Variants in PCDH15 observed in about 807,000 individuals in gnomAD.
PCDH15 encodes protocadherin-15.
In PCDH15, 129 loss-of-function variants were observed where a neutral mutation model predicts 178.5. That is an observed-to-expected ratio of 0.72 (90% confidence interval 0.63 to 0.84). The LOEUF (loss-of-function observed/expected upper bound fraction) is 0.84. Among genes scored for constraint, PCDH15 ranks in the 40% least tolerant of loss-of-function variants. The pLI is 0.00. For missense variants in PCDH15, 2,230 were observed against 2,099.9 expected (o/e 1.06, Z -1.21); for synonymous variants, 800 against 732.0 (o/e 1.09, Z -1.50).
intron 21 of PCDH15, among the ~76,000 whole-genome samples, chr10:53,977,670 T>G (rs1176071346): frequency 1.3e-5 from 2 of 152,162 alleles, no homozygotes; most frequent in East Asian, 3.9e-4. Context: ...CTTAACTCAT[T>G]TCAGCATTAA....
intron 3 of PCDH15, among the ~76,000 whole-genome samples, chr10:54,447,226 TTG>T (rs1389131201): frequency 2.6e-5 from 4 of 151,502 alleles, no homozygotes; most frequent in Admixed American, 1.3e-4. Flanking sequence ...GTTACTATTT[TTG>T]TGTGTGTGTG....
At position 54,988,289 on chromosome 10, in the gene PCDH15, T is replaced by A. The variant is rs181777868; in HGVS notation, c.-79-90789A>T. 1.9e-3 allele frequency among the ~76,000 whole-genome samples: 283 copies of A among 152,240 alleles called. 1 individual carries two copies. Among genetic ancestry groups the A allele is most frequent in the Non-Finnish European group, 1.5e-3 (104 of 68,020 alleles). ...TGGTTATTATAGCCTTGTAGTATAGTTTGAAGTCAGGTAGCATGATGCCTC... is the reference window on the plus strand; with the variant it reads ...TGGTTATTATAGCCTTGTAGTATAGATTGAAGTCAGGTAGCATGATGCCTC... On this transcript the variant is annotated intron_variant, in intron 2 of 5. Coordinates refer to the PCDH15 transcript ENST00000458638.
chr10:55,509,954 T>C (rs1840843198), intron 2 of PCDH15, among the ~76,000 whole-genome samples: 1 of 151,942 alleles, frequency 6.6e-6, no homozygotes, highest in African/African-American at 2.4e-5. Context: ...AATTGACAAA[T>C]GGCTTTGCAG....
At chr10:53,853,636 T>C (rs2078539035) in intron 28 of PCDH15, among the ~76,000 whole-genome samples, 2 of 152,026 alleles carry the variant, frequency 1.3e-5, no homozygotes, top group African/African-American at 4.8e-5. Flanking sequence ...TTTTAAAAGA[T>C]GATATACAAT....
chr10:53,920,875 T>C (rs1486003473), intron 25 of PCDH15, among the ~76,000 whole-genome samples: 1 of 151,842 alleles, frequency 6.6e-6, no homozygotes, highest in Non-Finnish European at 1.5e-5. Flanking sequence ...CAAGAAGCAA[T>C]GAATAAAGAG....
intron 2 of PCDH15, among the ~76,000 whole-genome samples, chr10:55,341,784 TATATATATATATATATATA>T (rs1565031879): frequency 1.1e-3 from 13 of 12,120 alleles, no homozygotes; most frequent in African/African-American, 4.8e-3. Context: ...TATATATATA[TATATATATATATATATATA>T]TATTTTTTTT....
At chr10:54,037,205 T>C (rs2093436087) in intron 18 of PCDH15, among the ~76,000 whole-genome samples, 1 of 151,986 alleles carries the variant, frequency 6.6e-6, no homozygotes, top group Non-Finnish European at 1.5e-5. Context: ...TAATTTAGAA[T>C]ATTTTATATA....
intron 2 of PCDH15, among the ~76,000 whole-genome samples, chr10:55,030,515 C>G (rs1840584156): frequency 6.6e-6 from 1 of 152,116 alleles, no homozygotes; most frequent in African/African-American, 2.4e-5. Context: ...GGACGCTGAG[C>G]TCAGAAAAGA....
intron 3 of PCDH15, among the ~76,000 whole-genome samples, chr10:54,847,599 A>G (rs1953537714): frequency 6.6e-6 from 1 of 152,124 alleles, no homozygotes; most frequent in African/African-American, 2.4e-5. Context: ...AACACTGTAC[A>G]CCACACAATA....
At chr10:54,889,411 A>G (rs16906652) in intron 3 of PCDH15, among the ~76,000 whole-genome samples, 7,571 of 151,222 alleles carry the variant, frequency 0.05, 623 homozygotes, top group African/African-American at 0.17. Context: ...CCTTTCCCCA[A>G]ACACGCGCAC....
At chr10:54,771,027 C>A (rs1474227003) in intron 1 of PCDH15, among the ~76,000 whole-genome samples, 2 of 152,006 alleles carry the variant, frequency 1.3e-5, no homozygotes, top group Non-Finnish European at 2.9e-5. Flanking sequence ...TACATCTGTT[C>A]TTGATATTCT....
intron 3 of PCDH15, among the ~76,000 whole-genome samples, chr10:54,890,582 A>C (rs1300668823): frequency 6.6e-6 from 1 of 151,964 alleles, no homozygotes; most frequent in East Asian, 1.9e-4. Flanking sequence ...TGCCCAGCTT[A>C]TTTCTTTTAG....
At chr10:53,954,755 C>A (rs577195501) in intron 23 of PCDH15, among the ~76,000 whole-genome samples, 1 of 152,150 alleles carries the variant, frequency 6.6e-6, no homozygotes, top group South Asian at 2.1e-4. Context: ...TTTAAAACAA[C>A]CAGAAATGTT....
intron 2 of PCDH15, among the ~76,000 whole-genome samples, chr10:55,040,443 G>GT: frequency 6.6e-6 from 1 of 151,948 alleles, no homozygotes; most frequent in Non-Finnish European, 1.5e-5. Context: ...AATGCAGTGA[G>GT]TGACTTGAGA....
chr10:53,982,714 A>T (rs1314710027), intron 21 of PCDH15, among the ~76,000 whole-genome samples: 6 of 151,338 alleles, frequency 4.0e-5, no homozygotes, highest in African/African-American at 1.5e-4. Context: ...AGATATACCT[A>T]ATGCTAAATG....
Position 55,430,244 on chromosome 10 carries a change from T to C in PCDH15, c.-156+197381A>G, listed in dbSNP as rs142687102. Reference sequence around the variant, plus strand: ...AGGTTGAGGCTGCAGTTAGCTGAGATTGTGCCACTGCACTCCAGCCTGGCT... The same window carrying C: ...AGGTTGAGGCTGCAGTTAGCTGAGACTGTGCCACTGCACTCCAGCCTGGCT... On this transcript the variant is annotated intron_variant, in intron 2 of 5. Coordinates refer to the PCDH15 transcript ENST00000613346. Among the ~76,000 whole-genome samples the C allele has an allele frequency of 3.7e-4, 57 of 152,218 alleles. No homozygotes were observed. The East Asian group carries it at 7.9e-3, about 21-fold the overall frequency.
At chr10:54,245,875 A>G (rs1237778333) in intron 8 of PCDH15, among the ~76,000 whole-genome samples, 3 of 152,050 alleles carry the variant, frequency 2.0e-5, no homozygotes, top group Non-Finnish European at 4.4e-5. Flanking sequence ...TATTCATTGT[A>G]CAATATACAA....
intron 2 of PCDH15, among the ~76,000 whole-genome samples, chr10:55,433,130 C>T (rs1475941669): frequency 6.6e-6 from 1 of 152,038 alleles, no homozygotes; most frequent in Non-Finnish European, 1.5e-5. Flanking sequence ...GTTGGTCTAC[C>T]ATAAAGACAC....
chr10:53,863,490 G>A (rs1424410714), intron 27 of PCDH15, among the ~76,000 whole-genome samples: 1 of 152,144 alleles, frequency 6.6e-6, no homozygotes, highest in African/African-American at 2.4e-5. Flanking sequence ...GACAAGAATA[G>A]TTTGGAAGAG....
Sources: allele counts gnomAD v4.1 joint callset (sites outside exome capture counted in the v4.1 genomes callset), GRCh38; gene constraint gnomAD v4.1.1; transcripts MANE v1.5; gene names NCBI Gene and HGNC (gene_info 2026-07-23, HGNC 2026-07-21).